The following DNAH8 variants were observed in gnomAD, a reference collection of about 807,000 sequenced individuals.
The protein encoded by DNAH8 is axonemal beta dynein heavy chain 8.
A neutral mutation model predicts 562.1 loss-of-function variants in DNAH8; 382 were observed. The ratio of observed to expected loss-of-function variants is 0.68; its 90% CI spans 0.63 to 0.74. The LOEUF (loss-of-function observed/expected upper bound fraction) is 0.74. Ranked by LOEUF, DNAH8 falls within the 30% of genes least tolerant of loss-of-function variation. DNAH8 has a pLI of 0.00. For synonymous variants in DNAH8, 1,881 were observed against 1,919.4 expected, an observed-to-expected ratio of 0.98 and a Z score of 0.52; for missense variants, 5,203 against 5,620.4, an observed-to-expected ratio of 0.93 and a Z score of 2.37.
At chr6:38,870,366 A>C in intron 48 of DNAH8, 35 bp from the exon 49 acceptor site, 2 of 1,598,408 alleles carry the variant, frequency 1.3e-6, no homozygotes, top group Non-Finnish European at 1.7e-6. Flanking sequence ...TTGTTGACTG[A>C]ATGAGTAAAT....
In DNAH8 at chr6:38,995,059, CTT is replaced by C. The variant is rs149324423; in HGVS notation, c.13214+4899_13214+4900del. Among the ~76,000 whole-genome samples the C allele has an allele frequency of 7.2e-5, 10 of 138,758 alleles. No homozygotes were observed. In the East Asian group the frequency reaches 1.7e-3, roughly 23 times the overall value. 91.0% of individuals were successfully genotyped at this position (138,758 alleles called of 152,430 possible). A position where few individuals can be genotyped will look rare whatever the true frequency, so the allele number is the denominator to read the frequency against. The stretch of plus-strand genomic sequence containing the variant: ...ATAGTTATAGTCTCCCCTCATTGCT[CTT>C]TTTTTTTTTTTCTGAGCTTGTCCTA... On this transcript the variant is annotated intron_variant, in intron 88 of 92. Coordinates refer to ENST00000327475, the MANE Select transcript of DNAH8 (RefSeq NM_001206927.2).
At chr6:38,820,694 T>A (rs772203293) in intron 26 of DNAH8, among the ~76,000 whole-genome samples, 1 of 152,132 alleles carries the variant, frequency 6.6e-6, no homozygotes, top group East Asian at 1.9e-4. Flanking sequence ...ATGAGGTTTA[T>A]CCCATAAAAG....
chr6:38,852,012 C>T (rs1194108900), intron 39 of DNAH8, among the ~76,000 whole-genome samples: 1 of 152,180 alleles, frequency 6.6e-6, no homozygotes, highest in South Asian at 2.1e-4. Flanking sequence ...TCATGCATAG[C>T]AGAGTCTCTA....
intron 87 of DNAH8, among the ~76,000 whole-genome samples, chr6:38,989,116 T>C (rs9380816): frequency 0.4 from 60,398 of 152,036 alleles, 12,412 homozygotes; most frequent in Non-Finnish European, 0.45. Context: ...TAAAAAGAGC[T>C]GGAGGAAGGA....
At chr6:38,923,700 C>G in intron 72 of DNAH8, 1 of 329,296 alleles carries the variant, frequency 3.0e-6, no homozygotes, top group Non-Finnish European at 5.4e-6. Flanking sequence ...TGAATAAGAG[C>G]AAGGGACAGG....
Position 38,909,620 on chromosome 6 carries a change from G to A in DNAH8, c.9616G>A (p.Val3206Met). 6 of 1,614,138 alleles carry A rather than the reference G, an allele frequency of 3.7e-6. No individual in the cohort carries two copies. Among genetic ancestry groups the A allele is most frequent in the Non-Finnish European group, 5.1e-6 (6 of 1,179,962 alleles). The change falls in exon 65 of 93, where the codon GTG becomes ATG. Residue 3206 changes from valine (V) to methionine (M), a missense_variant. By Grantham distance (21) the Val-to-Met change is conservative. Around this residue, in one of 6 missense-constraint regions of DNAH8, gnomAD observed 977 missense variants for 1,061.8 expected, o/e 0.92. Coordinates refer to ENST00000327475, the MANE Select transcript of DNAH8 (RefSeq NM_001206927.2). ...CTGGCCAAGGGAGGCTCTGATTGCT[G>A]TGGCCTCCTACTTCCTTTCAGACTA... The part of the protein sequence containing the change: ...SRWPREALIA[V>M]ASYFLSDYNI...
intron 91 of DNAH8, among the ~76,000 whole-genome samples, chr6:39,013,029 A>G (rs1766333874): frequency 6.6e-6 from 1 of 152,242 alleles, no homozygotes; most frequent in Admixed American, 6.5e-5. Flanking sequence ...AGAAAATTAT[A>G]TTGGTTTCAA....
chr6:38,937,891 G>GTTTTT, intron 77 of DNAH8, 83 bp from the exon 78 acceptor site: 1 of 1,203,202 alleles, frequency 8.3e-7, no homozygotes, highest in Non-Finnish European at 1.1e-6. Flanking sequence ...AGCTAACAGC[G>GTTTTT]TTTTTTTTTT....
At position 38,929,368 on chromosome 6, in the gene DNAH8, T is replaced by C. The variant is rs1019667846; in HGVS notation, c.11119-143T>C. On this transcript the variant is annotated intron_variant, in intron 74 of 92. Coordinates refer to ENST00000327475, the MANE Select transcript of DNAH8 (RefSeq NM_001206927.2). ...ACCAAGTTTTAGAAATTAATTTTTG[T>C]ATGTTACTTTAATTTTTTTAAGTAA... 3.9e-6 allele frequency: 3 copies of C among 776,104 alleles called. No homozygotes were observed. The African/African-American group carries it at 5.4e-5, about 14-fold the overall frequency. 48.1% of individuals were successfully genotyped at this position (776,104 alleles called of 1,614,324 possible). A position where few individuals can be genotyped will look rare whatever the true frequency, so the allele number is the denominator to read the frequency against.
chr6:38,729,856 A>G, intron 3 of DNAH8, 46 bp from the exon 4 acceptor site: 1 of 1,040,730 alleles, frequency 9.6e-7, no homozygotes, highest in Middle Eastern at 2.2e-4. Context: ...AATACTAAGA[A>G]TTTTTCCTTA....
rs537113108 is a variant in DNAH8 at position 38,779,662 on chromosome 6, G to T, written c.2040-304G>T. Among the ~76,000 whole-genome samples the T allele has an allele frequency of 3.3e-5, 5 of 152,236 alleles. No homozygotes were observed. The East Asian group carries it at 9.6e-4, about 29-fold the overall frequency. On this transcript the variant is annotated intron_variant, in intron 14 of 92. Transcript: ENST00000327475. ...GTAATCTGTTTGTCATTTTCTCAGG[G>T]TGTCTTACTTGAATCCCCAGACTTG... is the stretch of plus-strand genomic sequence containing the variant.
At chr6:38,883,555 T>C in intron 55 of DNAH8, 99 bp downstream of exon 55, 1 of 1,290,758 alleles carries the variant, frequency 7.7e-7, no homozygotes, top group Non-Finnish European at 1.0e-6. Context: ...AAATATTATA[T>C]ATTCAAAAGA....
chr6:38,795,567 G>A lies in DNAH8; in HGVS notation c.2901+3893G>A, dbSNP rs533500120. 2.4e-4 allele frequency among the ~76,000 whole-genome samples: 34 copies of A among 142,920 alleles called. 1 individual carries two copies. In the South Asian group the frequency reaches 7.4e-3, roughly 31 times the overall value. 93.8% of individuals were successfully genotyped at this position (142,920 alleles called of 152,430 possible). A position where few individuals can be genotyped will look rare whatever the true frequency, so the allele number is the denominator to read the frequency against. ...TGCACTCCAGCCTGGGCGACAGAGC[G>A]AGACTGTGTCTCAGAAAAAAAAAAA... On this transcript the variant is annotated intron_variant, in intron 21 of 92. Coordinates refer to ENST00000327475, the MANE Select transcript of DNAH8 (RefSeq NM_001206927.2).
In DNAH8 at chr6:38,790,293, A is replaced by C; in HGVS notation, c.2669A>C (p.Glu890Ala). Reference sequence around the variant, plus strand: ...TTGTGTTTTTACCGTTTCTAGGTGGAATCTGTGTTGAGGCAAGGACTCACA... The same window carrying C: ...TTGTGTTTTTACCGTTTCTAGGTGGCATCTGTGTTGAGGCAAGGACTCACA... ...NLMTPKMKKVESVLRQGLTVL... is the reference protein window; with the variant it reads ...NLMTPKMKKVASVLRQGLTVL... Residue 890 changes from glutamate (E) to alanine (A), a missense_variant, in exon 20 of 93, where the codon GAA (glutamate) becomes GCA (alanine). Physicochemically the swap from Glu to Ala is moderately radical, Grantham distance 107. Transcript: ENST00000327475. 2 of 1,590,538 alleles carry C rather than the reference A, an allele frequency of 1.3e-6. No individual in the cohort carries two copies. Among genetic ancestry groups the C allele is most frequent in the Middle Eastern group, 1.7e-4 (1 of 6,006 alleles).
chr6:39,012,919 A>G (rs1406734695), intron 91 of DNAH8, among the ~76,000 whole-genome samples: 1 of 152,230 alleles, frequency 6.6e-6, no homozygotes, highest in Non-Finnish European at 1.5e-5. Flanking sequence ...AGGACACATG[A>G]AAGAGTAAAA....
Position 38,909,534 on chromosome 6 carries a change from G to A in DNAH8, c.9530G>A (p.Arg3177His), listed in dbSNP as rs1446386037. The A allele has an allele frequency of 2.5e-6, 4 of 1,614,028 alleles. No homozygotes were observed. The highest frequency in any genetic ancestry group is 3.4e-6 in the Non-Finnish European group (4 of 1,179,970). The change falls in exon 65 of 93, where the codon CGT becomes CAT. Residue 3177 changes from arginine to histidine, a missense_variant. This residue lies in a region of DNAH8 where 977 missense variants were observed against 1,061.8 expected (regional missense o/e 0.92). Coordinates refer to ENST00000327475, the MANE Select transcript of DNAH8 (RefSeq NM_001206927.2). ...LCFSPVGEKF[R>H]ARSLKFPGLI... ...TATCAATAGGTTGGTGAGAAGTTCC[G>A]TGCCCGTTCTTTGAAATTTCCTGGC... is the stretch of plus-strand genomic sequence containing the variant.
intron 85 of DNAH8, among the ~76,000 whole-genome samples, chr6:38,980,365 C>T (rs1322159297): frequency 1.3e-5 from 2 of 152,158 alleles, no homozygotes; most frequent in South Asian, 2.1e-4. Context: ...GACTAGGAAG[C>T]AGGAAGCTGT....
At chr6:38,780,113 A>G (rs1425591410) in intron 15 of DNAH8, 48 bp downstream of exon 15, 13 of 1,546,366 alleles carry the variant, frequency 8.4e-6, no homozygotes, top group Non-Finnish European at 1.2e-5. Context: ...ACAAAAAGAA[A>G]AAAAATCTGA....
In DNAH8 at chr6:38,875,798, A is replaced by G; in HGVS notation, c.7828A>G (p.Thr2610Ala). ...LPEIPKGSNQ[T>A]MYEFYVTDYG... ...AGAAATACCTAAAGGCTCAAATCAA[A>G]CCATGTATGAGTTTTATGTTACTGA... The change falls in exon 53 of 93, where the codon ACC (threonine) becomes GCC (alanine). Residue 2610 changes from threonine to alanine, a missense_variant. By Grantham distance (58) the Thr-to-Ala change is moderately conservative. Transcript: ENST00000327475. The G allele has an allele frequency of 6.2e-7, 1 of 1,613,656 alleles. No individual in the cohort carries two copies. The highest frequency in any genetic ancestry group is 8.5e-7 in the Non-Finnish European group (1 of 1,179,650).
Sources: gnomAD v4.1 joint callset for allele counts (sites outside exome capture counted in the v4.1 genomes callset) on GRCh38, gnomAD v4.1.1 for gene constraint, gnomAD v4.1.1 regional missense constraint, MANE v1.5 for transcripts, NCBI Gene and HGNC (gene_info 2026-07-23, HGNC 2026-07-21) for gene names.